Variants in TACC2 observed in about 807,000 individuals in gnomAD.
The protein encoded by TACC2 is transforming acidic coiled-coil containing protein 2.
Under a neutral mutation model 227.3 loss-of-function variants are expected in TACC2, and 137 were observed. That is an observed-to-expected ratio of 0.60 (90% CI 0.52 to 0.69). TACC2 has a LOEUF of 0.69. Ranked by LOEUF, TACC2 falls within the 30% of genes least tolerant of loss-of-function variation. TACC2 has a pLI of 0.00. For synonymous variants in TACC2, 1,523 were observed against 1,487.5 expected, an observed-to-expected ratio of 1.02 and a Z score of -0.55; for missense variants, 3,470 against 3,694.4, an observed-to-expected ratio of 0.94 and a Z score of 1.57.
intron 5 of TACC2, among the ~76,000 whole-genome samples, chr10:122,128,876 G>GTCTCTCTCTCTCTCTCTCTCTCTC (rs146242546): frequency 1.3e-5 from 2 of 150,070 alleles, no homozygotes; most frequent in South Asian, 4.2e-4. Context: ...TGCTTGCGCT[G>GTCTCTCTCTCTCTCTCTCTCTCTC]TCTCTCTCTC....
At chr10:122,136,158 A>C (rs1015690243) in intron 6 of TACC2, among the ~76,000 whole-genome samples, 3 of 152,186 alleles carry the variant, frequency 2.0e-5, no homozygotes, top group Non-Finnish European at 4.4e-5. Flanking sequence ...AGCTACCCCT[A>C]TGTTTCCTCT....
In TACC2 at chr10:122,085,333, G is replaced by T; in HGVS notation, c.2833G>T (p.Gly945Trp). The stretch of plus-strand genomic sequence containing the variant: ...AACGAGACAGAAGTTGCCTGCACTA[G>T]GGGAGAAGCGGCCAGAGGGAGCATG... ...APTRQKLPAL[G>W]EKRPEGACGD... Residue 945 changes from glycine (G) to tryptophan (W), a missense_variant, in exon 4 of 23, where the codon GGG (glycine) becomes TGG (tryptophan). By Grantham distance (184) the Gly-to-Trp change is radical (BLOSUM62 -2). Coordinates refer to ENST00000369005, the MANE Select transcript of TACC2 (RefSeq NM_206862.4). 1 of 1,614,070 alleles carries T rather than the reference G, an allele frequency of 6.2e-7. No homozygotes were observed. The highest frequency in any genetic ancestry group is 8.5e-7 in the Non-Finnish European group (1 of 1,180,052).
intron 7 of TACC2, among the ~76,000 whole-genome samples, chr10:122,160,909 G>A (rs1013215053): frequency 1.3e-5 from 2 of 152,176 alleles, no homozygotes; most frequent in South Asian, 2.1e-4. Flanking sequence ...TAGTTGTATC[G>A]ACTGTAATGG....
At chr10:122,213,369 TTC>T (rs1214263040) in intron 9 of TACC2, 1 of 1,612,248 alleles carries the variant, frequency 6.2e-7, no homozygotes, top group Non-Finnish European at 8.5e-7. Flanking sequence ...TGTCTGTGTG[TTC>T]TCTGTTGTAA....
chr10:122,105,246 TG>T (rs140606145), intron 5 of TACC2, among the ~76,000 whole-genome samples: 53,571 of 152,082 alleles, frequency 0.35, 9,790 homozygotes, highest in Middle Eastern at 0.41. Flanking sequence ...GCTCTGTGTC[TG>T]GGGAGTGTTT....
At chr10:122,006,645 G>A (rs961353158) in intron 1 of TACC2, among the ~76,000 whole-genome samples, 1 of 151,950 alleles carries the variant, frequency 6.6e-6, no homozygotes, top group Non-Finnish European at 1.5e-5. Flanking sequence ...AGTCCTTCCA[G>A]CACGTAGATT....
At chr10:122,096,291 C>T (rs1441195176) in intron 5 of TACC2, among the ~76,000 whole-genome samples, 1 of 152,220 alleles carries the variant, frequency 6.6e-6, no homozygotes, top group Non-Finnish European at 1.5e-5. Context: ...GCACCCGTAT[C>T]TGAGCTGGCA....
chr10:122,214,080 C>A (rs1473158054), intron 9 of TACC2, among the ~76,000 whole-genome samples: 1 of 152,130 alleles, frequency 6.6e-6, no homozygotes, highest in African/African-American at 2.4e-5. Context: ...CAGGAGGGAT[C>A]TGTGGGCAGC....
chr10:122,014,604 C>G (rs1018103620), intron 1 of TACC2, among the ~76,000 whole-genome samples: 3 of 152,222 alleles, frequency 2.0e-5, no homozygotes, highest in African/African-American at 7.2e-5. Flanking sequence ...CTGGCCTAGA[C>G]CTCACAGTCC....
intron 7 of TACC2, among the ~76,000 whole-genome samples, chr10:122,184,687 G>A (rs2094116312): frequency 6.6e-6 from 1 of 152,192 alleles, no homozygotes; most frequent in African/African-American, 2.4e-5. Context: ...GTGTGTGTCT[G>A]TACATAGACA....
chr10:122,143,529 G>A (rs773790626), intron 6 of TACC2, 43 bp from the exon 7 acceptor site: 1 of 1,592,816 alleles, frequency 6.3e-7, no homozygotes, highest in Admixed American at 1.7e-5. Context: ...TGCCATTAAT[G>A]AGCCCAGCAC....
chr10:122,097,485 G>C (rs984087645), intron 5 of TACC2, among the ~76,000 whole-genome samples: 1 of 151,780 alleles, frequency 6.6e-6, no homozygotes, highest in African/African-American at 2.4e-5. Context: ...CAGTGGATTT[G>C]GGTCAGCACT....
intron 19 of TACC2, among the ~76,000 whole-genome samples, chr10:122,243,062 G>A (rs142357809): frequency 0.015 from 2,304 of 152,260 alleles, 56 homozygotes; most frequent in African/African-American, 0.049. Flanking sequence ...TCCTGCCTCA[G>A]CCTCTCAAGT....
chr10:121,994,830 T>C (rs1953229845), intron 1 of TACC2: 1 of 152,208 alleles, frequency 6.6e-6, no homozygotes, highest in African/African-American at 2.4e-5. Flanking sequence ...TAAAGTGAAA[T>C]TAAAGGCATA....
rs528658002 is a variant in TACC2 at position 122,084,095 on chromosome 10, C to T, written c.1595C>T (p.Pro532Leu). The T allele has an allele frequency of 1.9e-6, 3 of 1,614,094 alleles. No individual in the cohort carries two copies. The highest frequency in any genetic ancestry group is 4.5e-5 in the East Asian group (2 of 44,870). Reference protein sequence around the residue: ...QSHEVQPGAPPPPLPKAPSES... With the variant: ...QSHEVQPGAPLPPLPKAPSES... ...CATGAGGTCCAACCAGGAGCACCAC[C>T]CCCTCCTCTTCCCAAGGCACCAAGT... is the stretch of plus-strand genomic sequence containing the variant. The change falls in exon 4 of 23, where the codon CCC (proline) becomes CTC (leucine). Residue 532 changes from proline (P) to leucine (L), a missense_variant. Pro to Leu is a moderately conservative substitution (Grantham distance 98). This residue lies in a region of TACC2 where 1,924 missense variants were observed against 1,978.3 expected (regional missense o/e 0.97). Coordinates refer to ENST00000369005, the MANE Select transcript of TACC2 (RefSeq NM_206862.4).
intron 6 of TACC2, among the ~76,000 whole-genome samples, chr10:122,134,833 G>A (rs1224238050): frequency 6.6e-6 from 1 of 152,212 alleles, no homozygotes; most frequent in African/African-American, 2.4e-5. Context: ...TGGCGGGATG[G>A]CTCTCAGAGA....
In TACC2 at chr10:122,226,436, A is replaced by G; in HGVS notation, c.7679A>G (p.Lys2560Arg). 4 of 1,614,064 alleles carry G rather than the reference A, an allele frequency of 2.5e-6. No individual in the cohort carries two copies. The highest frequency in any genetic ancestry group is 3.4e-6 in the Non-Finnish European group (4 of 1,180,018). Residue 2560 changes from lysine to arginine, a missense_variant, in exon 13 of 23, where the codon AAG becomes AGG. This residue lies in a region of TACC2 where 345 missense variants were observed against 354.4 expected (regional missense o/e 0.97). Transcript: ENST00000369005. Reference sequence around the variant, plus strand: ...GACACTTCTCAGGAGAGCCCTGTCAAGTCATCTCCCGTCCGCATGTCAGAG... The same window carrying G: ...GACACTTCTCAGGAGAGCCCTGTCAGGTCATCTCCCGTCCGCATGTCAGAG... ...MFDTSQESPV[K>R]SSPVRMSESP...
chr10:122,136,569 ATT>A (rs1565405260), intron 6 of TACC2, among the ~76,000 whole-genome samples: 3 of 148,664 alleles, frequency 2.0e-5, no homozygotes, highest in Non-Finnish European at 3.0e-5. Context: ...ATATATATAT[ATT>A]AGATGTAGTC....
At position 122,087,697 on chromosome 10, in the gene TACC2, T is replaced by C. The variant is rs777691521; in HGVS notation, c.5197T>C (p.Phe1733Leu). The C allele has an allele frequency of 1.3e-5, 21 of 1,613,150 alleles. No individual in the cohort carries two copies. The South Asian group carries it at 1.9e-4, about 14-fold the overall frequency. The change falls in exon 4 of 23, where the codon TTC becomes CTC. Residue 1733 changes from phenylalanine (F) to leucine (L), a missense_variant. Coordinates refer to ENST00000369005, the MANE Select transcript of TACC2 (RefSeq NM_206862.4). ...GCCTGAAGCAGGTACTACGAGGACA[T>C]TCTCCGTTGTGGCAGGTGACTTGGT... is the stretch of plus-strand genomic sequence containing the variant. ...DLPEAGTTRT[F>L]SVVAGDLVLP...
Sources: gnomAD v4.1 joint callset for allele counts (sites outside exome capture counted in the v4.1 genomes callset) on GRCh38, gnomAD v4.1.1 for gene constraint, gnomAD v4.1.1 regional missense constraint, MANE v1.5 for transcripts, NCBI Gene and HGNC (gene_info 2026-07-23, HGNC 2026-07-21) for gene names.